RTL1: variants seen among roughly 807,000 people sequenced by gnomAD.
The protein encoded by RTL1 is retrotransposon Gag like 1, also known as retrotransposon-like protein 1.
For synonymous variants in RTL1, 727 were observed against 748.4 expected, an observed-to-expected ratio of 0.97 and a Z score of 0.47; for missense variants, 1,681 against 1,767.5, an observed-to-expected ratio of 0.95 and a Z score of 0.88.
chr14:100,891,953 G>C (rs2038785551), intron 3 of RTL1, among the ~76,000 whole-genome samples: 1 of 152,234 alleles, frequency 6.6e-6, no homozygotes, highest in Non-Finnish European at 1.5e-5. Flanking sequence ...ATGAGAGGAG[G>C]TGGCTGGCCC....
rs2038581044 is a variant in RTL1, at chr14:100,879,792, G to A, written c.*920C>T. Reference sequence around the variant, plus strand: ...TTTATTTGAGGAGTGCAAAAAGATTGGGGGGTGAGAAAGCTCGGGGGGTGG... The same window carrying A: ...TTTATTTGAGGAGTGCAAAAAGATTAGGGGGTGAGAAAGCTCGGGGGGTGG... On this transcript the variant is annotated 3_prime_UTR_variant, in exon 4 of 4. Transcript: ENST00000649591. Among the ~76,000 whole-genome samples, 1 of 150,892 alleles carries A rather than the reference G, an allele frequency of 6.6e-6. No individual in the cohort carries two copies. The highest frequency in any genetic ancestry group is 1.5e-5 in the Non-Finnish European group (1 of 67,712).
chr14:100,881,547 C>A lies in RTL1; in HGVS notation c.3242G>T (p.Arg1081Leu). ...QIRAVILHFF[R>L]GLLYWKNTLA... is the part of the protein sequence containing the mutation. ...GGTGTTCTTCCAGTACAGGAGGCCT[C>A]GGAAGAAGTGCAGAATGACGGCCCT... is the stretch of plus-strand genomic sequence containing the variant. The change falls in exon 4 of 4, where the codon CGA (arginine) becomes CTA (leucine). Residue 1081 changes from arginine (R) to leucine (L), a missense_variant. Arg to Leu is a moderately radical substitution (Grantham distance 102). Coordinates refer to ENST00000649591, the MANE Select transcript of RTL1 (RefSeq NM_001134888.3). The surrounding 1 kb of genome is among the most constrained non-coding windows in gnomAD (Gnocchi z 6.6). 6.4e-7 allele frequency: 1 copy of A among 1,551,690 alleles called. No homozygotes were observed. The highest frequency in any genetic ancestry group is 8.7e-7 in the Non-Finnish European group (1 of 1,147,000).
chr14:100,893,743 C>A lies in RTL1; in HGVS notation c.-148-238G>T, dbSNP rs1387315759. On this transcript the variant is annotated intron_variant, in intron 2 of 3. Transcript: ENST00000649591. The surrounding 1 kb of genome is among the most constrained non-coding windows in gnomAD (Gnocchi z 4.2). ...TTTCACCATTTTACAGGTTTTCACT[C>A]TTTCAATCGTTCTAAGAAGCTGCGA... Among the ~76,000 whole-genome samples, 1 of 144,816 alleles carries A rather than the reference C, an allele frequency of 6.9e-6. No homozygotes were observed. The highest frequency in any genetic ancestry group is 2.4e-5 in the African/African-American group (1 of 41,086).
Position 100,883,405 on chromosome 14 carries a change from C to T in RTL1, c.1384G>A (p.Val462Met), listed in dbSNP as rs1213849420. ...TCGTTGCCAATCAGCGAGCCGTCCA[C>T]GGATTGGACCGGCTGTGGGTACGGC... ...EKPYPQPVQSVDGSLIGNEPV... is the reference protein window; with the variant it reads ...EKPYPQPVQSMDGSLIGNEPV... Residue 462 changes from valine (V) to methionine (M), a missense_variant, in exon 4 of 4, where the codon GTG becomes ATG. Coordinates refer to ENST00000649591, the MANE Select transcript of RTL1 (RefSeq NM_001134888.3). This position sits in a 1 kb window ranked among gnomAD's most constrained non-coding sequence, Gnocchi z 5.9. 5 of 1,550,314 alleles carry T rather than the reference C, an allele frequency of 3.2e-6. No individual in the cohort carries two copies. The highest frequency in any genetic ancestry group is 3.9e-5 in the Admixed American group (2 of 50,976).
At chr14:100,899,013 C>T (rs1252612243) in intron 2 of RTL1, 2 of 152,308 alleles carry the variant, frequency 1.3e-5, no homozygotes. Flanking sequence ...TGAAAACTGC[C>T]TCGAATTCTT....
At chr14:100,899,654 T>C (rs2038915033) in intron 2 of RTL1, among the ~76,000 whole-genome samples, 1 of 150,540 alleles carries the variant, frequency 6.6e-6, no homozygotes, top group African/African-American at 2.5e-5. Flanking sequence ...AGAACAGACT[T>C]GAGCTGCGTG....
intron 2 of RTL1, among the ~76,000 whole-genome samples, chr14:100,900,112 A>G (rs2038921906): frequency 1.3e-5 from 2 of 152,260 alleles, no homozygotes; most frequent in South Asian, 4.1e-4. Context: ...AATAACATAT[A>G]AAAAGTCAGA....
chr14:100,903,161 G>A (rs983320418), intron 2 of RTL1, among the ~76,000 whole-genome samples, 130 bp downstream of exon 2: 8 of 152,158 alleles, frequency 5.3e-5, no homozygotes, highest in Admixed American at 4.6e-4. Context: ...TTTTCCCGGC[G>A]GCTTCCTTGA....
intron 3 of RTL1, among the ~76,000 whole-genome samples, chr14:100,885,482 A>G (rs982774709): frequency 2.0e-5 from 3 of 150,108 alleles, no homozygotes; most frequent in Non-Finnish European, 3.0e-5. Context: ...TTCCTTCCCC[A>G]TGTTCAAAAT....
At chr14:100,902,847 G>C (rs969914001) in intron 2 of RTL1, among the ~76,000 whole-genome samples, 4 of 152,190 alleles carry the variant, frequency 2.6e-5, no homozygotes, top group Admixed American at 1.3e-4. Context: ...TGCTTGTGGA[G>C]TAGACGGTGG....
At position 100,881,462 on chromosome 14, in the gene RTL1, C is replaced by A; in HGVS notation, c.3327G>T (p.Pro1109=). 1 of 1,550,604 alleles carries A rather than the reference C, an allele frequency of 6.4e-7. No homozygotes were observed. Among genetic ancestry groups the A allele is most frequent in the Non-Finnish European group, 8.7e-7 (1 of 1,146,908 alleles). Residue 1109 remains proline (P), a synonymous_variant, in exon 4 of 4, where the codon CCG becomes CCT. Transcript: ENST00000649591. The surrounding 1 kb of genome is among the most constrained non-coding windows in gnomAD (Gnocchi z 6.6). Reference sequence around the variant, plus strand: ...GCCGAGCCACCCGCATGGCGGGTGCCGGCCGCAGCGAGAGGCATTGCCTCA... The same window carrying A: ...GCCGAGCCACCCGCATGGCGGGTGCAGGCCGCAGCGAGAGGCATTGCCTCA... ...LRVRQCLSLR[P]APAMRVARPQ... is the part of the protein sequence containing the mutation.
At chr14:100,900,562 G>C (rs906324173) in intron 2 of RTL1, among the ~76,000 whole-genome samples, 6 of 152,184 alleles carry the variant, frequency 3.9e-5, no homozygotes, top group African/African-American at 1.4e-4. Context: ...ACTTCCTCAA[G>C]CAACGGGGCA....
chr14:100,881,681 T>C lies in RTL1; in HGVS notation c.3108A>G (p.Glu1036=). The C allele has an allele frequency of 6.4e-7, 1 of 1,556,450 alleles. No homozygotes were observed. The highest frequency in any genetic ancestry group is 8.7e-7 in the Non-Finnish European group (1 of 1,149,440). The change falls in exon 4 of 4, where the codon GAA becomes GAG. Residue 1036 remains glutamate (E), a synonymous_variant. Transcript: ENST00000649591. The surrounding 1 kb of genome is among the most constrained non-coding windows in gnomAD (Gnocchi z 6.6). ...PSTESGEEEN[E]EQDELNEQIL... ...TCTGTTCATTGAGCTCATCCTGTTCTTCATTCTCTTCTTCCCCGGATTCCG... is the reference window on the plus strand; with the variant it reads ...TCTGTTCATTGAGCTCATCCTGTTCCTCATTCTCTTCTTCCCCGGATTCCG...
chr14:100,900,788 G>A (rs1377140290), intron 2 of RTL1, among the ~76,000 whole-genome samples: 1 of 152,178 alleles, frequency 6.6e-6, no homozygotes, highest in Non-Finnish European at 1.5e-5. Context: ...GGTGCCTCTT[G>A]TTCTGCACCC....
chr14:100,884,969 AC>A, intron 3 of RTL1, 95 bp from the exon 4 acceptor site: 1 of 568,222 alleles, frequency 1.8e-6, no homozygotes, highest in African/African-American at 1.9e-5. Flanking sequence ...CAGATGCCCA[AC>A]TAATCAGAGC....
intron 2 of RTL1, among the ~76,000 whole-genome samples, chr14:100,894,009 A>G (rs2140050913): frequency 6.6e-6 from 1 of 152,300 alleles, no homozygotes; most frequent in Admixed American, 6.5e-5. Context: ...GCAAATGGAT[A>G]GAAAAGTTTA....
At position 100,883,241 on chromosome 14, in the gene RTL1, G is replaced by A; in HGVS notation, c.1548C>T (p.Val516=). The A allele has an allele frequency of 6.4e-7, 1 of 1,551,886 alleles. No homozygotes were observed. The highest frequency in any genetic ancestry group is 1.2e-5 in the South Asian group (1 of 84,156). The stretch of plus-strand genomic sequence containing the variant: ...AGGTGCAGCGGCCTTTGATCCAGTC[G>A]ACTTCGGGGGCGTGGACTCGGAGCC... ...IRWLRVHAPE[V]DWIKGRCTFH... is the part of the protein sequence containing the mutation. Residue 516 remains valine (V), a synonymous_variant, in exon 4 of 4, where the codon GTC becomes GTT. Coordinates refer to ENST00000649591, the MANE Select transcript of RTL1 (RefSeq NM_001134888.3). The surrounding 1 kb of genome is among the most constrained non-coding windows in gnomAD (Gnocchi z 5.9).
At position 100,880,240 on chromosome 14, in the gene RTL1, G is replaced by T. The variant is rs978707843; in HGVS notation, c.*472C>A. 1.3e-5 allele frequency among the ~76,000 whole-genome samples: 2 copies of T among 151,592 alleles called. No individual in the cohort carries two copies. The highest frequency in any genetic ancestry group is 4.9e-5 in the African/African-American group (2 of 41,192). Reference sequence around the variant, plus strand: ...TTGGGGGGCGGGGGCGGGAGCTCAGGGGAGCAGGAGCACCGGCAGTGGAGG... The same window carrying T: ...TTGGGGGGCGGGGGCGGGAGCTCAGTGGAGCAGGAGCACCGGCAGTGGAGG... On this transcript the variant is annotated 3_prime_UTR_variant, in exon 4 of 4. Coordinates refer to ENST00000649591, the MANE Select transcript of RTL1 (RefSeq NM_001134888.3).
Position 100,883,904 on chromosome 14 carries a change from C to T in RTL1, c.885G>A (p.Arg295=). The T allele has an allele frequency of 6.4e-7, 1 of 1,551,582 alleles. No homozygotes were observed. Among genetic ancestry groups the T allele is most frequent in the East Asian group, 2.4e-5 (1 of 40,910 alleles). Residue 295 remains arginine, a synonymous_variant, in exon 4 of 4, where the codon AGG becomes AGA. Transcript: ENST00000649591. This position sits in a 1 kb window ranked among gnomAD's most constrained non-coding sequence, Gnocchi z 5.9. The part of the protein sequence containing the change: ...RVAEEAMFTI[R]QGGRSATEYI... ...ACTCAGTGGCAGAGCGGCCGCCCTG[C>T]CTGATGGTGAACATGGCCTCTTCTG...
Sources: gnomAD v4.1 joint callset for allele counts (sites outside exome capture counted in the v4.1 genomes callset) on GRCh38, gnomAD v4.1.1 for gene constraint, Gnocchi (gnomAD v3.1) non-coding constraint, MANE v1.5 for transcripts, NCBI Gene and HGNC (gene_info 2026-07-23, HGNC 2026-07-21) for gene names.